The following PDE4D variants were observed in gnomAD, a reference collection of about 807,000 sequenced individuals.
The protein encoded by PDE4D is phosphodiesterase 4D, also known as 3',5'-cyclic-AMP phosphodiesterase 4D.
Under a neutral mutation model 87.4 loss-of-function variants are expected in PDE4D, and 24 were observed. The ratio of observed to expected loss-of-function variants is 0.27; its 90% CI spans 0.20 to 0.39. PDE4D has a LOEUF of 0.39. Among genes scored for constraint, PDE4D ranks in the 10% least tolerant of loss-of-function variants. PDE4D has a pLI of 1.00. For missense variants in PDE4D, 714 were observed against 1,041.0 expected, an observed-to-expected ratio of 0.69 and a Z score of 4.32; for synonymous variants, 384 against 383.2, an observed-to-expected ratio of 1.00 and a Z score of -0.02.
intron 1 of PDE4D, among the ~76,000 whole-genome samples, chr5:60,282,067 A>G (rs1751964051): frequency 6.6e-6 from 1 of 152,064 alleles, no homozygotes; most frequent in African/African-American, 2.4e-5. Context: ...AATAGAAATA[A>G]CATCGTTTTA....
intron 3 of PDE4D, among the ~76,000 whole-genome samples, chr5:59,958,388 G>C (rs959068374): frequency 1.3e-5 from 2 of 152,128 alleles, no homozygotes; most frequent in Non-Finnish European, 2.9e-5. Flanking sequence ...GCATGGGAAA[G>C]AGGAACAGAA....
intron 1 of PDE4D, among the ~76,000 whole-genome samples, chr5:60,244,319 G>A (rs974361686): frequency 2.0e-5 from 3 of 151,824 alleles, no homozygotes; most frequent in East Asian, 1.9e-4. Context: ...AAGATGGAAC[G>A]ATATCCCATG....
intron 1 of PDE4D, among the ~76,000 whole-genome samples, chr5:60,376,097 C>T (rs1761412451): frequency 6.6e-6 from 1 of 152,126 alleles, no homozygotes; most frequent in Non-Finnish European, 1.5e-5. Context: ...TGTCAGGCCT[C>T]GTCAGAAAGT....
chr5:59,988,604 G>A (rs1325765399), exon 3 of PDE4D: 1 of 1,599,278 alleles, frequency 6.3e-7, no homozygotes, highest in African/African-American at 1.3e-5. Flanking sequence ...ACTGTCTGAA[G>A]GCGAGAGGGG....
intron 11 of PDE4D, among the ~76,000 whole-genome samples, chr5:58,977,597 T>A (rs913281475): frequency 6.6e-6 from 1 of 152,200 alleles, no homozygotes; most frequent in African/African-American, 2.4e-5. Flanking sequence ...CTCAGCTTTC[T>A]CTAAAGTGAA....
chr5:60,480,355 G>A (rs775242816), intron 1 of PDE4D, among the ~76,000 whole-genome samples: 5 of 151,992 alleles, frequency 3.3e-5, no homozygotes, highest in South Asian at 2.1e-4. Context: ...TGCATCATTC[G>A]AAGCAATTTT....
chr5:59,574,487 TA>T (rs1372702964), intron 1 of PDE4D, among the ~76,000 whole-genome samples: 1 of 152,128 alleles, frequency 6.6e-6, no homozygotes, highest in African/African-American at 2.4e-5. Context: ...ATAAATGAGT[TA>T]AGTGATGCTC....
At chr5:60,354,268 T>C (rs1249551654) in intron 1 of PDE4D, among the ~76,000 whole-genome samples, 1 of 152,208 alleles carries the variant, frequency 6.6e-6, no homozygotes, top group Non-Finnish European at 1.5e-5. Context: ...AAGTAGCAGA[T>C]ACAGAAATAG....
chr5:59,968,670 C>A (rs1760346867), intron 3 of PDE4D, among the ~76,000 whole-genome samples: 1 of 127,614 alleles, frequency 7.8e-6, no homozygotes, highest in Non-Finnish European at 1.8e-5. Flanking sequence ...AATAGTGAAA[C>A]CTAGATTTGA....
chr5:60,252,077 T>C (rs531526551), intron 1 of PDE4D, among the ~76,000 whole-genome samples: 1 of 152,096 alleles, frequency 6.6e-6, no homozygotes, highest in Non-Finnish European at 1.5e-5. Context: ...CTAGGAGCAA[T>C]AGAATATACC....
chr5:59,964,860 G>C (rs1759844251), intron 3 of PDE4D, among the ~76,000 whole-genome samples: 1 of 152,056 alleles, frequency 6.6e-6, no homozygotes, highest in Non-Finnish European at 1.5e-5. Flanking sequence ...TCTGTATCCT[G>C]TGTACCTCGT....
At chr5:59,785,753 AAC>A (rs1239321980) in intron 1 of PDE4D, among the ~76,000 whole-genome samples, 4 of 152,192 alleles carry the variant, frequency 2.6e-5, no homozygotes, top group Admixed American at 2.0e-4. Flanking sequence ...AGGTTTTGTA[AAC>A]TGATATCTCA....
chr5:59,889,586 T>C (rs560484421), intron 1 of PDE4D, among the ~76,000 whole-genome samples: 35 of 152,340 alleles, frequency 2.3e-4, no homozygotes, highest in African/African-American at 8.2e-4. Context: ...CAGAATATTT[T>C]ATAATATCAA....
In PDE4D at chr5:59,319,601, T is replaced by G. The variant is rs1043847740; in HGVS notation, c.456-103633A>C. Among the ~76,000 whole-genome samples the G allele has an allele frequency of 2.0e-5, 3 of 152,174 alleles. No individual in the cohort carries two copies. In the South Asian group the frequency reaches 6.2e-4, roughly 31 times the overall value. ...AATTTCAACCTTAATTCTGTGTTTA[T>G]TCTTTTGTGTGAGTGAAATAACAAC... On this transcript the variant is annotated intron_variant, in intron 1 of 14. Coordinates refer to ENST00000340635, the MANE Select transcript of PDE4D (RefSeq NM_001104631.2).
intron 1 of PDE4D, among the ~76,000 whole-genome samples, chr5:59,321,345 A>G (rs2153571471): frequency 6.6e-6 from 1 of 152,192 alleles, no homozygotes; most frequent in Non-Finnish European, 1.5e-5. Flanking sequence ...TGCCCTGCCT[A>G]GACAAGATTT....
chr5:59,439,375 AAAG>A (rs1404653744), intron 1 of PDE4D, among the ~76,000 whole-genome samples: 3 of 151,730 alleles, frequency 2.0e-5, no homozygotes, highest in African/African-American at 4.9e-5. Context: ...AAAAAAAAAA[AAAG>A]AATGGGGATG....
chr5:59,805,557 C>T (rs189188243), intron 1 of PDE4D, among the ~76,000 whole-genome samples: 1 of 152,254 alleles, frequency 6.6e-6, no homozygotes, highest in African/African-American at 2.4e-5. Flanking sequence ...AGGATGAATG[C>T]TATGTTAGAG....
intron 2 of PDE4D, among the ~76,000 whole-genome samples, chr5:60,094,407 C>T (rs1049240816): frequency 2.6e-5 from 4 of 152,012 alleles, no homozygotes; most frequent in East Asian, 1.9e-4. Flanking sequence ...ACTAAAAATA[C>T]TTCTATTTAA....
At chr5:59,550,648 T>C (rs1817962347) in intron 1 of PDE4D, among the ~76,000 whole-genome samples, 1 of 152,078 alleles carries the variant, frequency 6.6e-6, no homozygotes, top group African/African-American at 2.4e-5. Flanking sequence ...TTCTTATGGA[T>C]TGTGTTCATT....
Sources: allele counts gnomAD v4.1 joint callset (sites outside exome capture counted in the v4.1 genomes callset), GRCh38; gene constraint gnomAD v4.1.1; transcripts MANE v1.5; gene names NCBI Gene and HGNC (gene_info 2026-07-23, HGNC 2026-07-21).